Variants in C10orf90 observed in about 807,000 individuals in gnomAD.
The protein encoded by C10orf90 is chromosome 10 open reading frame 90.
In C10orf90, 56 loss-of-function variants were observed where a neutral mutation model predicts 62.5. That is an observed-to-expected ratio of 0.90 (90% CI 0.72 to 1.12). The LOEUF (loss-of-function observed/expected upper bound fraction) is 1.12. Ranked by LOEUF, C10orf90 falls within the 50% of genes most tolerant of loss-of-function variation. The pLI is 0.00. For synonymous variants in C10orf90, 386 were observed against 340.4 expected, an observed-to-expected ratio of 1.13 and a Z score of -1.47; for missense variants, 970 against 880.4, an observed-to-expected ratio of 1.10 and a Z score of -1.29.
intron 2 of C10orf90, among the ~76,000 whole-genome samples, chr10:126,580,848 T>G (rs995070115): frequency 4.1e-5 from 6 of 144,912 alleles, no homozygotes; most frequent in African/African-American, 1.7e-4. Flanking sequence ...TATGAGTGTG[T>G]GTCTGTGCAT....
chr10:126,445,826 T>TACAC (rs141853305), intron 7 of C10orf90, among the ~76,000 whole-genome samples: 40 of 144,824 alleles, frequency 2.8e-4, no homozygotes, highest in African/African-American at 9.9e-4. Context: ...TATATATATA[T>TACAC]ACAATGGAAT....
chr10:126,667,514 C>A (rs575014066), intron 1 of C10orf90, among the ~76,000 whole-genome samples: 1 of 152,196 alleles, frequency 6.6e-6, no homozygotes. Context: ...GAAACTGTCG[C>A]CTGTCAGAGG....
chr10:126,664,437 C>T (rs140701728), intron 1 of C10orf90, among the ~76,000 whole-genome samples: 148 of 152,206 alleles, frequency 9.7e-4, no homozygotes, highest in African/African-American at 2.9e-3. Flanking sequence ...CCCCCAGCAA[C>T]GCTATAAGGC....
At chr10:126,636,864 C>A (rs541992832) in intron 2 of C10orf90, among the ~76,000 whole-genome samples, 1 of 152,132 alleles carries the variant, frequency 6.6e-6, no homozygotes, top group Non-Finnish European at 1.5e-5. Flanking sequence ...TTCACCAAAA[C>A]AAGCAGCATT....
chr10:126,425,800 T>C lies in C10orf90; in HGVS notation c.*64A>G, dbSNP rs1857225389. ...ATGATGAAGATAATGCTAAGTTTAA[T>C]GGCTTATCCAGCATTCGAAGTCCTC... On this transcript the variant is annotated 3_prime_UTR_variant, in exon 10 of 10. Transcript: ENST00000488181. 1 of 1,500,116 alleles carries C rather than the reference T, an allele frequency of 6.7e-7. No individual in the cohort carries two copies. Among genetic ancestry groups the C allele is most frequent in the Admixed American group, 2.1e-5 (1 of 46,872 alleles). 92.9% of individuals were successfully genotyped at this position (1,500,116 alleles called of 1,614,324 possible).
At chr10:126,590,669 C>T (rs555260835) in intron 2 of C10orf90, among the ~76,000 whole-genome samples, 5 of 152,114 alleles carry the variant, frequency 3.3e-5, no homozygotes, top group South Asian at 2.1e-4. Context: ...ACCAGAATCT[C>T]GGACACAGCA....
intron 7 of C10orf90, among the ~76,000 whole-genome samples, 171 bp downstream of exon 7, chr10:126,458,869 T>G (rs1049166477): frequency 6.6e-6 from 1 of 152,204 alleles, no homozygotes; most frequent in African/African-American, 2.4e-5. Context: ...CAAAATGGGC[T>G]GGCTCCAAGA....
At chr10:126,460,479 T>A (rs1434887212) in intron 6 of C10orf90, among the ~76,000 whole-genome samples, 1 of 152,232 alleles carries the variant, frequency 6.6e-6, no homozygotes. Flanking sequence ...CCCTGGCAGC[T>A]ACACTGGGGG....
intron 2 of C10orf90, among the ~76,000 whole-genome samples, chr10:126,609,344 A>G (rs1845382216): frequency 6.6e-6 from 1 of 152,208 alleles, no homozygotes; most frequent in South Asian, 2.1e-4. Context: ...CAGAGGTTGC[A>G]GTGAGCCGAG....
rs371483820 is a variant in C10orf90, at chr10:126,481,818, C to A, written c.1535-16832G>T. On this transcript the variant is annotated intron_variant, in intron 4 of 9. Coordinates refer to ENST00000488181, the MANE Select transcript of C10orf90 (RefSeq NM_001350921.2). ...AAAACCTCCTCCCCAAGTTGGGCCA[C>A]ACAAACCAGAATGCCTTGTCCCAAA... Among the ~76,000 whole-genome samples the A allele has an allele frequency of 5.3e-5, 8 of 152,308 alleles. No homozygotes were observed. The East Asian group carries it at 1.5e-3, about 29-fold the overall frequency.
intron 4 of C10orf90, chr10:126,502,893 A>T: frequency 2.0e-6 from 1 of 487,916 alleles, no homozygotes. Context: ...AAATTGCCTT[A>T]AAAATCTCTG....
At chr10:126,623,030 A>G (rs1007954192) in intron 2 of C10orf90, among the ~76,000 whole-genome samples, 1 of 152,188 alleles carries the variant, frequency 6.6e-6, no homozygotes, top group African/African-American at 2.4e-5. Context: ...GAGATGTAGA[A>G]GTTAGAGACA....
At chr10:126,664,716 C>T (rs1475900371) in intron 1 of C10orf90, among the ~76,000 whole-genome samples, 1 of 152,192 alleles carries the variant, frequency 6.6e-6, no homozygotes, top group East Asian at 1.9e-4. Context: ...TGCCAATGCC[C>T]TGGGTCAGCT....
rs562557469 is a variant in C10orf90 at position 126,558,007 on chromosome 10, C to T, written c.314-44068G>A. On this transcript the variant is annotated intron_variant, in intron 2 of 9. Coordinates refer to ENST00000488181, the MANE Select transcript of C10orf90 (RefSeq NM_001350921.2). The stretch of plus-strand genomic sequence containing the variant: ...CCAGCCAATGATGCAGTCCTGCTGG[C>T]AGCCCTCCTAACGCCCCTCAGACTC... 7.4e-4 allele frequency among the ~76,000 whole-genome samples: 112 copies of T among 152,250 alleles called. 5 individuals are homozygous for T. The highest frequency in any genetic ancestry group is 3.7e-4 in the Non-Finnish European group (25 of 68,032).
intron 7 of C10orf90, among the ~76,000 whole-genome samples, chr10:126,450,674 C>A (rs2134066685): frequency 6.6e-6 from 1 of 152,176 alleles, no homozygotes; most frequent in South Asian, 2.1e-4. Context: ...TTAATTTACA[C>A]CATATTTAAA....
At chr10:126,508,780 G>A (rs755996248) in intron 3 of C10orf90, among the ~76,000 whole-genome samples, 2 of 152,162 alleles carry the variant, frequency 1.3e-5, no homozygotes, top group African/African-American at 2.4e-5. Context: ...TCGGGCGGGG[G>A]CCTCCAGGCT....
intron 2 of C10orf90, among the ~76,000 whole-genome samples, chr10:126,602,027 C>G (rs1845208379): frequency 6.6e-6 from 1 of 152,226 alleles, no homozygotes; most frequent in Admixed American, 6.5e-5. Context: ...CAACAGCCAT[C>G]TTTCACGTTG....
chr10:126,583,214 C>T (rs1053491429), intron 2 of C10orf90, among the ~76,000 whole-genome samples: 4 of 152,290 alleles, frequency 2.6e-5, no homozygotes, highest in South Asian at 2.1e-4. Context: ...AAACAAACTG[C>T]AAGAAACACT....
chr10:126,553,036 A>T (rs896214507), intron 2 of C10orf90, among the ~76,000 whole-genome samples: 3 of 152,230 alleles, frequency 2.0e-5, no homozygotes, highest in Non-Finnish European at 4.4e-5. Context: ...TAATAGACCT[A>T]ACTAAGAAAG....
Sources: gnomAD v4.1 joint callset for allele counts (sites outside exome capture counted in the v4.1 genomes callset) on GRCh38, gnomAD v4.1.1 for gene constraint, MANE v1.5 for transcripts, NCBI Gene and HGNC (gene_info 2026-07-23, HGNC 2026-07-21) for gene names.